RAD51B: variants seen among roughly 807,000 people sequenced by gnomAD.
RAD51B encodes DNA repair protein RAD51 homolog 2.
In RAD51B, 38 loss-of-function variants were observed where a neutral mutation model predicts 42.2. The ratio of observed to expected loss-of-function variants is 0.90; its 90% CI spans 0.70 to 1.18. The LOEUF (loss-of-function observed/expected upper bound fraction) is 1.18. Ranked by LOEUF, RAD51B falls within the 50% of genes most tolerant of loss-of-function variation. The pLI is 0.00. For missense variants in RAD51B, 373 were observed against 400.7 expected, an observed-to-expected ratio of 0.93 and a Z score of 0.59; for synonymous variants, 154 against 145.2, an observed-to-expected ratio of 1.06 and a Z score of -0.43.
At chr14:68,061,870 G>A (rs188138334) in intron 7 of RAD51B, among the ~76,000 whole-genome samples, 60 of 152,114 alleles carry the variant, frequency 3.9e-4, no homozygotes, top group African/African-American at 1.4e-3. Context: ...TCTCCTTTTC[G>A]ATTTGGATGC....
intron 7 of RAD51B, among the ~76,000 whole-genome samples, chr14:67,974,638 C>T (rs894689086): frequency 6.6e-6 from 1 of 152,046 alleles, no homozygotes; most frequent in African/African-American, 2.4e-5. Context: ...TTTAAACTTA[C>T]TACAGTACAT....
intron 7 of RAD51B, among the ~76,000 whole-genome samples, chr14:67,920,776 A>G (rs2044298076): frequency 6.6e-6 from 1 of 152,188 alleles, no homozygotes; most frequent in Non-Finnish European, 1.5e-5. Context: ...CCACCCTCCG[A>G]TAATGCTTAG....
chr14:68,459,550 G>A (rs1454583088), intron 9 of RAD51B, among the ~76,000 whole-genome samples: 1 of 152,202 alleles, frequency 6.6e-6, no homozygotes, highest in Non-Finnish European at 1.5e-5. Flanking sequence ...CAGGACCCTT[G>A]CATGCAGATG....
chr14:67,928,229 T>C (rs1488436756), intron 7 of RAD51B, among the ~76,000 whole-genome samples: 2 of 152,212 alleles, frequency 1.3e-5, no homozygotes, highest in Admixed American at 6.5e-5. Flanking sequence ...TTGGATTGTA[T>C]TGATATGGCT....
At chr14:68,189,539 T>A (rs1335827265) in intron 7 of RAD51B, among the ~76,000 whole-genome samples, 2 of 152,206 alleles carry the variant, frequency 1.3e-5, no homozygotes, top group Non-Finnish European at 2.9e-5. Flanking sequence ...GATAATGTTT[T>A]ATTAGAAACT....
chr14:68,655,934 A>T (rs1416609429), intron 11 of RAD51B, among the ~76,000 whole-genome samples: 3 of 152,210 alleles, frequency 2.0e-5, no homozygotes, highest in African/African-American at 7.2e-5. Flanking sequence ...CTCACAGCAG[A>T]CAGGAACCAG....
chr14:67,926,753 G>A (rs1336990862), intron 7 of RAD51B, among the ~76,000 whole-genome samples: 1 of 151,750 alleles, frequency 6.6e-6, no homozygotes, highest in African/African-American at 2.4e-5. Context: ...TAGTAGGGGT[G>A]GGGTTTCATC....
chr14:68,426,198 A>G lies in RAD51B; in HGVS notation c.957+14671A>G, dbSNP rs183724072. Among the ~76,000 whole-genome samples, 628 of 149,900 alleles carry G rather than the reference A, an allele frequency of 4.2e-3. 4 individuals carry two copies. Among genetic ancestry groups the G allele is most frequent in the African/African-American group, 0.015 (599 of 40,664 alleles). On this transcript the variant is annotated intron_variant, in intron 9 of 10. Transcript: ENST00000471583. ...ATTCTCCCACCTCAGCCTCCCGAGT[A>G]GCTGGGATTACAGGCGCCCACCACC...
chr14:68,028,697 C>G (rs374039724), intron 7 of RAD51B, among the ~76,000 whole-genome samples: 2 of 152,232 alleles, frequency 1.3e-5, no homozygotes, highest in Admixed American at 6.5e-5. Flanking sequence ...AGAGGCTGCA[C>G]TGCACACATG....
intron 7 of RAD51B, among the ~76,000 whole-genome samples, chr14:67,933,220 G>A (rs2044805580): frequency 6.6e-6 from 1 of 152,224 alleles, no homozygotes; most frequent in African/African-American, 2.4e-5. Context: ...TCCCTGAGGA[G>A]TAGTGTTTTC....
chr14:68,049,355 A>G (rs1469158743), intron 7 of RAD51B, among the ~76,000 whole-genome samples: 1 of 152,194 alleles, frequency 6.6e-6, no homozygotes, highest in South Asian at 2.1e-4. Context: ...TTAAAGTATA[A>G]TAAAATATAT....
chr14:68,251,198 A>AT (rs1053353812), intron 7 of RAD51B, among the ~76,000 whole-genome samples: 1 of 147,256 alleles, frequency 6.8e-6, no homozygotes, highest in Non-Finnish European at 1.5e-5. Context: ...TCAAGGAGGA[A>AT]TTAAAAAAAA....
chr14:68,639,460 T>A (rs1166873912), intron 10 of RAD51B, among the ~76,000 whole-genome samples: 1 of 152,158 alleles, frequency 6.6e-6, no homozygotes, highest in Admixed American at 6.5e-5. Context: ...CAAGGGTGGC[T>A]GATGGGTAGT....
At chr14:68,607,134 C>G (rs557135921) in intron 10 of RAD51B, among the ~76,000 whole-genome samples, 1 of 152,276 alleles carries the variant, frequency 6.6e-6, no homozygotes. Flanking sequence ...CAGGGTCATG[C>G]GGGCGGGCCA....
intron 7 of RAD51B, among the ~76,000 whole-genome samples, chr14:68,146,438 C>A (rs930407414): frequency 1.2e-4 from 18 of 151,942 alleles, no homozygotes; most frequent in African/African-American, 3.9e-4. Flanking sequence ...CCCACGGCCC[C>A]CTCCCCCACA....
At chr14:68,587,424 T>C (rs1458665847) in intron 10 of RAD51B, among the ~76,000 whole-genome samples, 8 of 152,000 alleles carry the variant, frequency 5.3e-5, no homozygotes, top group Non-Finnish European at 2.9e-5. Flanking sequence ...CCCCCAGCTA[T>C]AAATGGAGCA....
intron 7 of RAD51B, among the ~76,000 whole-genome samples, chr14:68,216,301 TAGAG>T (rs1194302556): frequency 1.3e-5 from 2 of 152,188 alleles, no homozygotes; most frequent in East Asian, 3.8e-4. Context: ...TTGCGTTTGT[TAGAG>T]AGAACAAATG....
intron 8 of RAD51B, among the ~76,000 whole-genome samples, chr14:68,333,551 A>G (rs1350134866): frequency 6.6e-6 from 1 of 152,246 alleles, no homozygotes; most frequent in East Asian, 1.9e-4. Flanking sequence ...TGTGAGCCTT[A>G]GAGATACCTT....
At chr14:68,279,394 G>A (rs1194132345) in intron 7 of RAD51B, among the ~76,000 whole-genome samples, 1 of 152,224 alleles carries the variant, frequency 6.6e-6, no homozygotes, top group Non-Finnish European at 1.5e-5. Context: ...CTTTAGGTAT[G>A]TAGGATTGGT....
Sources: gnomAD v4.1 joint callset for allele counts (sites outside exome capture counted in the v4.1 genomes callset) on GRCh38, gnomAD v4.1.1 for gene constraint, MANE v1.5 for transcripts, NCBI Gene and HGNC (gene_info 2026-07-23, HGNC 2026-07-21) for gene names.